The following GSE1 variants were observed in gnomAD, a reference collection of about 807,000 sequenced individuals.
The protein encoded by GSE1 is genetic suppressor element 1.
In GSE1, 32 loss-of-function variants were observed where a neutral mutation model predicts 112.6. The observed-to-expected ratio is 0.28, with a 90% confidence interval of 0.21 to 0.38. GSE1 has a LOEUF of 0.38. Ranked by LOEUF, GSE1 falls within the 10% of genes least tolerant of loss-of-function variation. GSE1 has a pLI of 1.00. For synonymous variants in GSE1, 1,115 were observed against 735.6 expected (o/e 1.52, Z -8.35); for missense variants, 2,348 against 1,699.2 (o/e 1.38, Z -6.71).
intron 10 of GSE1, 71 bp from the exon 11 acceptor site, chr16:85,663,260 AGGACCCCAGGAGG>A (rs1268228212): frequency 6.7e-7 from 1 of 1,482,678 alleles, no homozygotes; most frequent in Non-Finnish European, 9.2e-7. Context: ...CCACACTTCG[AGGACCCCAGGAGG>A]GGACCCCGGG....
chr16:85,213,576 A>C (rs2075261838), intron 1 of GSE1, among the ~76,000 whole-genome samples: 1 of 152,250 alleles, frequency 6.6e-6, no homozygotes, highest in South Asian at 2.1e-4. Flanking sequence ...TCCGAGCCGA[A>C]GTGTCACGTG....
At chr16:85,195,047 C>T (rs1017825707) in intron 1 of GSE1, among the ~76,000 whole-genome samples, 3 of 152,114 alleles carry the variant, frequency 2.0e-5, no homozygotes, top group African/African-American at 7.2e-5. Context: ...AAGGGAGAAA[C>T]AGACCTGTTC....
chr16:85,174,593 C>T (rs752859944), intron 1 of GSE1, among the ~76,000 whole-genome samples: 9 of 152,230 alleles, frequency 5.9e-5, no homozygotes, highest in Non-Finnish European at 1.2e-4. Flanking sequence ...GGCGCGGTTC[C>T]AGATGCTGGG....
intron 1 of GSE1, among the ~76,000 whole-genome samples, chr16:85,201,164 C>T (rs939370277): frequency 6.6e-6 from 1 of 152,106 alleles, no homozygotes; most frequent in Non-Finnish European, 1.5e-5. Flanking sequence ...CCTCAACCTC[C>T]CCGGTTTAAG....
At chr16:85,630,478 G>A (rs1052650099) in intron 1 of GSE1, among the ~76,000 whole-genome samples, 5 of 151,984 alleles carry the variant, frequency 3.3e-5, no homozygotes, top group South Asian at 2.1e-4. Flanking sequence ...TTACAGGTAC[G>A]CATGTGTCGT....
At chr16:85,635,424 C>T (rs1324854074) in intron 2 of GSE1, among the ~76,000 whole-genome samples, 1 of 152,202 alleles carries the variant, frequency 6.6e-6, no homozygotes, top group Admixed American at 6.5e-5. Context: ...GCATGGGCCC[C>T]ACCTGTGTCA....
chr16:85,656,796 T>C, intron 7 of GSE1, 131 bp downstream of exon 7: 4 of 1,274,852 alleles, frequency 3.1e-6, no homozygotes, highest in Non-Finnish European at 4.2e-6. Context: ...AAGCGTGGTG[T>C]GGCTGAACAT....
intron 1 of GSE1, among the ~76,000 whole-genome samples, chr16:85,318,058 C>G (rs1442463437): frequency 6.6e-6 from 1 of 152,180 alleles, no homozygotes; most frequent in East Asian, 1.9e-4. Flanking sequence ...TTGAACAGGG[C>G]AGGGGAGGAG....
intron 1 of GSE1, among the ~76,000 whole-genome samples, chr16:85,581,445 G>C (rs1459350777): frequency 6.6e-6 from 1 of 152,138 alleles, no homozygotes; most frequent in Non-Finnish European, 1.5e-5. Flanking sequence ...GACGAACCCT[G>C]GGGAGAGCCT....
rs569314445 is a variant in GSE1, at chr16:85,310,045, GAGCCCAGGCATA to G, written c.2284-47401_2284-47390del. Among the ~76,000 whole-genome samples the G allele has an allele frequency of 4.6e-3, 708 of 152,346 alleles. 5 individuals carry two copies. Among genetic ancestry groups the G allele is most frequent in the African/African-American group, 0.015 (629 of 41,572 alleles). On this transcript the variant is annotated intron_variant, in intron 1 of 2. Coordinates refer to the GSE1 transcript ENST00000637419. ...TAATCCAGCGCCTGTCAGTCGGCCCGAGCCCAGGCATAAGCCCAGGCATAAGCCACTTAGCAC... is the reference window on the plus strand; with the variant it reads ...TAATCCAGCGCCTGTCAGTCGGCCCGAGCCCAGGCATAAGCCACTTAGCAC...
intron 2 of GSE1, among the ~76,000 whole-genome samples, chr16:85,403,779 G>T (rs1039357078): frequency 6.6e-6 from 1 of 152,134 alleles, no homozygotes; most frequent in African/African-American, 2.4e-5. Flanking sequence ...TCCAGTCCTG[G>T]TGACAGAGTG....
chr16:85,461,005 C>T (rs565688552), intron 2 of GSE1, among the ~76,000 whole-genome samples: 146 of 152,266 alleles, frequency 9.6e-4, no homozygotes, highest in East Asian at 1.7e-3. Flanking sequence ...GGCAGCCAGC[C>T]GGGTGGGAAG....
intron 2 of GSE1, among the ~76,000 whole-genome samples, chr16:85,538,594 G>T (rs2044413184): frequency 6.6e-6 from 1 of 152,162 alleles, no homozygotes; most frequent in Non-Finnish European, 1.5e-5. Context: ...TGCCCTGGGG[G>T]AGCCAGCCTT....
In GSE1 at chr16:85,634,039, G is replaced by A. The variant is rs377684294; in HGVS notation, c.133G>A (p.Ala45Thr). ...NGALVPSGSP[A>T]TSSALSAQAA... ...CGCCCTGGTGCCCAGCGGCAGCCCC[G>A]CCACCAGCAGCGCGCTGTCGGCCCA... The change falls in exon 2 of 16, where the codon GCC becomes ACC. Residue 45 changes from alanine to threonine, a missense_variant. By Grantham distance (58) the Ala-to-Thr change is moderately conservative. Transcript: ENST00000253458. The A allele has an allele frequency of 1.1e-5, 18 of 1,610,102 alleles. No homozygotes were observed. Among genetic ancestry groups the A allele is most frequent in the Admixed American group, 3.3e-5 (2 of 59,798 alleles).
At chr16:85,410,336 G>A (rs1485569472) in intron 2 of GSE1, among the ~76,000 whole-genome samples, 2 of 48,188 alleles carry the variant, frequency 4.2e-5, no homozygotes, top group Non-Finnish European at 3.6e-5. Flanking sequence ...AGGCCCCCCT[G>A]GATAATCCTC....
Position 85,665,251 on chromosome 16 carries a change from C to G in GSE1, c.2758+123C>G, listed in dbSNP as rs2052746354. 3 of 626,880 alleles carry G rather than the reference C, an allele frequency of 4.8e-6. No homozygotes were observed. The East Asian group carries it at 8.2e-5, about 17-fold the overall frequency. The allele number at this position is 626,880 out of a possible 1,614,324, so 38.8% of individuals were successfully genotyped here. The stretch of plus-strand genomic sequence containing the variant: ...TGGCCTCCTGCAGGCTGTCTTCTTC[C>G]ATTCTTGTACCAGCGTACGATTCTT... On this transcript the variant is annotated intron_variant, in intron 12 of 15. Coordinates refer to ENST00000253458, the MANE Select transcript of GSE1 (RefSeq NM_014615.5).
chr16:85,427,598 C>T (rs1200455387), intron 2 of GSE1, among the ~76,000 whole-genome samples: 11 of 152,138 alleles, frequency 7.2e-5, no homozygotes, highest in African/African-American at 2.2e-4. Flanking sequence ...ACCAAGATCG[C>T]GCCACTGCAC....
intron 2 of GSE1, among the ~76,000 whole-genome samples, chr16:85,358,065 G>A (rs2046988894): frequency 6.6e-6 from 1 of 152,110 alleles, no homozygotes; most frequent in Non-Finnish European, 1.5e-5. Context: ...TGGGCCACGG[G>A]GAACCAGGCT....
intron 2 of GSE1, among the ~76,000 whole-genome samples, chr16:85,512,034 C>T (rs1243436103): frequency 6.6e-6 from 1 of 152,104 alleles, no homozygotes; most frequent in South Asian, 2.1e-4. Flanking sequence ...GGAGGTGCAT[C>T]GCAGTGTTGT....
Sources: gnomAD v4.1 joint callset for allele counts (sites outside exome capture counted in the v4.1 genomes callset) on GRCh38, gnomAD v4.1.1 for gene constraint, MANE v1.5 for transcripts, NCBI Gene and HGNC (gene_info 2026-07-23, HGNC 2026-07-21) for gene names.